The following SLC12A2 variants were observed in gnomAD, a reference collection of about 807,000 sequenced individuals.
SLC12A2 encodes solute carrier family 12 member 2.
Under a neutral mutation model 136.3 loss-of-function variants are expected in SLC12A2, and 67 were observed. The observed-to-expected ratio is 0.49, with a 90% CI of 0.40 to 0.60. The LOEUF (loss-of-function observed/expected upper bound fraction) is 0.60. Ranked by LOEUF, SLC12A2 falls within the 20% of genes least tolerant of loss-of-function variation. The probability of loss-of-function intolerance (pLI) is 0.00; values close to 1 mark genes in which losing one functional copy is unlikely to be tolerated. For missense variants in SLC12A2, 1,322 were observed against 1,534.7 expected (o/e 0.86, Z 2.32); for synonymous variants, 619 against 562.9 (o/e 1.10, Z -1.41).
chr5:128,108,968 TA>T (rs1761042302), intron 1 of SLC12A2, among the ~76,000 whole-genome samples: 1 of 152,184 alleles, frequency 6.6e-6, no homozygotes, highest in South Asian at 2.1e-4. Flanking sequence ...GGAAAATACT[TA>T]ATGTGTTTTA....
At chr5:128,090,903 A>G (rs76173348) in intron 1 of SLC12A2, among the ~76,000 whole-genome samples, 4,685 of 152,322 alleles carry the variant, frequency 0.031, 98 homozygotes, top group Non-Finnish European at 0.043. Context: ...CTTGCAGATC[A>G]TGATAAAGAC....
chr5:128,150,826 A>G (rs1762678932), intron 13 of SLC12A2, among the ~76,000 whole-genome samples: 2 of 151,864 alleles, frequency 1.3e-5, no homozygotes, highest in Non-Finnish European at 1.5e-5. Flanking sequence ...TTTTGTTTGA[A>G]ATGTTTTATA....
At chr5:128,113,407 T>A (rs908181660) in intron 2 of SLC12A2, among the ~76,000 whole-genome samples, 6 of 152,166 alleles carry the variant, frequency 3.9e-5, no homozygotes, top group African/African-American at 1.4e-4. Flanking sequence ...AAATGTTGAG[T>A]TCACTTTGTG....
chr5:128,160,053 C>T (rs1762990764), intron 16 of SLC12A2, among the ~76,000 whole-genome samples: 1 of 152,288 alleles, frequency 6.6e-6, no homozygotes, highest in Middle Eastern at 3.4e-3. Context: ...GAATACTATG[C>T]AGCCATAAAA....
chr5:128,088,702 T>C (rs569879210), intron 1 of SLC12A2, among the ~76,000 whole-genome samples: 3 of 152,308 alleles, frequency 2.0e-5, no homozygotes, highest in Admixed American at 6.5e-5. Flanking sequence ...GCTGGTGGTA[T>C]GTCAAGGGTT....
At chr5:128,177,860 T>G (rs1045128444) in intron 21 of SLC12A2, among the ~76,000 whole-genome samples, 4 of 152,262 alleles carry the variant, frequency 2.6e-5, no homozygotes, top group Admixed American at 2.6e-4. Flanking sequence ...TTGTTTTAAC[T>G]CCTGGGAATA....
At chr5:128,155,271 G>T (rs1351028291) in intron 15 of SLC12A2, among the ~76,000 whole-genome samples, 1 of 145,644 alleles carries the variant, frequency 6.9e-6, no homozygotes, top group African/African-American at 2.7e-5. Flanking sequence ...CTGAAACAAT[G>T]GAAAACAAAG....
At chr5:128,122,323 A>G (rs985162559) in intron 4 of SLC12A2, among the ~76,000 whole-genome samples, 9 of 152,216 alleles carry the variant, frequency 5.9e-5, no homozygotes, top group Non-Finnish European at 1.2e-4. Context: ...ATTTTGTGAC[A>G]GACACTGGGT....
intron 17 of SLC12A2, among the ~76,000 whole-genome samples, chr5:128,164,626 G>T (rs1306169897): frequency 6.6e-6 from 1 of 152,034 alleles, no homozygotes; most frequent in Non-Finnish European, 1.5e-5. Context: ...TCTTTTAGTT[G>T]TTTATTACCT....
chr5:128,127,697 A>G (rs1761868985), intron 4 of SLC12A2, among the ~76,000 whole-genome samples: 1 of 151,858 alleles, frequency 6.6e-6, no homozygotes, highest in Non-Finnish European at 1.5e-5. Flanking sequence ...TATTTCATCT[A>G]GTTGCAAAAT....
chr5:128,127,169 T>C (rs1391803257), intron 4 of SLC12A2, among the ~76,000 whole-genome samples: 2 of 130,056 alleles, frequency 1.5e-5, no homozygotes, highest in Non-Finnish European at 3.1e-5. Context: ...TCACCCAGGC[T>C]GGAGTGCAGT....
At chr5:128,123,034 G>T (rs1287194311) in intron 4 of SLC12A2, among the ~76,000 whole-genome samples, 1 of 152,046 alleles carries the variant, frequency 6.6e-6, no homozygotes, top group African/African-American at 2.4e-5. Flanking sequence ...GCAAGTAATA[G>T]AATTTTCAGC....
chr5:128,117,276 A>G (rs1459141363), intron 4 of SLC12A2, among the ~76,000 whole-genome samples: 1 of 152,226 alleles, frequency 6.6e-6, no homozygotes, highest in Non-Finnish European at 1.5e-5. Flanking sequence ...AACACTGGCT[A>G]AAGTTTGGAT....
In SLC12A2 at chr5:128,141,811, G is replaced by A; in HGVS notation, c.1622-19G>A. The A allele has an allele frequency of 6.2e-7, 1 of 1,603,366 alleles. No individual in the cohort carries two copies. Among genetic ancestry groups the A allele is most frequent in the Non-Finnish European group, 8.5e-7 (1 of 1,174,702 alleles). ...TGTAGATATTAACTATATTATTCTT[G>A]TTGTCACTTGTGCTTTAGGTTCTTG... On this transcript the variant is annotated intron_variant, in intron 9 of 26. Transcript: ENST00000262461.
At chr5:128,131,546 A>T (rs1762023713) in intron 5 of SLC12A2, among the ~76,000 whole-genome samples, 1 of 151,832 alleles carries the variant, frequency 6.6e-6, no homozygotes, top group Non-Finnish European at 1.5e-5. Flanking sequence ...ACAAAAAAAA[A>T]AAAAAAAATC....
intron 7 of SLC12A2, among the ~76,000 whole-genome samples, chr5:128,137,385 C>T (rs1400115069): frequency 1.3e-5 from 2 of 152,108 alleles, no homozygotes; most frequent in East Asian, 1.9e-4. Flanking sequence ...CTGATTCTTG[C>T]TCAGCAAACT....
chr5:128,144,385 A>G (rs949043556), intron 10 of SLC12A2, among the ~76,000 whole-genome samples: 2 of 152,150 alleles, frequency 1.3e-5, no homozygotes, highest in African/African-American at 4.8e-5. Context: ...TAGGACATAA[A>G]TGAGGAGTAT....
rs948767734 is a variant in SLC12A2 at position 128,116,026 on chromosome 5, T to TA, written c.1048+1346dup. Reference sequence around the variant, plus strand: ...ACAGTGTGGATATGTTCAGCAGAGTTAGTCAGATAATGTTGAGAGATTCTT... The same window carrying TA: ...ACAGTGTGGATATGTTCAGCAGAGTTAAGTCAGATAATGTTGAGAGATTCTT... On this transcript the variant is annotated intron_variant, in intron 4 of 26. Transcript: ENST00000262461. Among the ~76,000 whole-genome samples, 116 of 152,320 alleles carry TA rather than the reference T, an allele frequency of 7.6e-4. 1 individual carries two copies. The highest frequency in any genetic ancestry group is 2.7e-3 in the African/African-American group (112 of 41,574).
At chr5:128,186,037 T>C (rs1763855551) in intron 26 of SLC12A2, among the ~76,000 whole-genome samples, 1 of 152,084 alleles carries the variant, frequency 6.6e-6, no homozygotes, top group Admixed American at 6.5e-5. Flanking sequence ...CTGGGCAATG[T>C]ATTAAGACCC....
Sources: gnomAD v4.1 joint callset for allele counts (sites outside exome capture counted in the v4.1 genomes callset) on GRCh38, gnomAD v4.1.1 for gene constraint, MANE v1.5 for transcripts, NCBI Gene and HGNC (gene_info 2026-07-23, HGNC 2026-07-21) for gene names.